MMP16: variants seen among roughly 807,000 people sequenced by gnomAD.
The protein encoded by MMP16 is matrix metallopeptidase 16.
Under a neutral mutation model 67.8 loss-of-function variants are expected in MMP16, and 12 were observed. The ratio of observed to expected loss-of-function variants is 0.18; its 90% CI spans 0.11 to 0.29. The LOEUF (loss-of-function observed/expected upper bound fraction) is 0.29. MMP16 is among the 10% of genes least tolerant of loss of function. The probability of loss-of-function intolerance (pLI) is 1.00; values close to 1 mark genes in which losing one functional copy is unlikely to be tolerated. For missense variants in MMP16, 475 were observed against 765.7 expected (o/e 0.62, Z 4.48); for synonymous variants, 249 against 255.9 (o/e 0.97, Z 0.26).
intron 1 of MMP16, among the ~76,000 whole-genome samples, chr8:88,286,300 A>G (rs1177808036): frequency 6.6e-6 from 1 of 152,068 alleles, no homozygotes; most frequent in Non-Finnish European, 1.5e-5. Context: ...TTCATAGTAT[A>G]CTTTTTCCTT....
At chr8:88,228,285 T>C (rs1249009354) in intron 1 of MMP16, among the ~76,000 whole-genome samples, 1 of 152,102 alleles carries the variant, frequency 6.6e-6, no homozygotes, top group African/African-American at 2.4e-5. Context: ...GAAAATAATA[T>C]GAGAATTGAA....
At chr8:88,042,495 C>T (rs1285916035) in intron 9 of MMP16, among the ~76,000 whole-genome samples, 2 of 152,122 alleles carry the variant, frequency 1.3e-5, no homozygotes. Context: ...TTTGTTCCTT[C>T]TCCTTTTGTC....
At chr8:88,186,343 T>C in intron 3 of MMP16, 133 bp downstream of exon 3, 1 of 1,192,294 alleles carries the variant, frequency 8.4e-7, no homozygotes, top group South Asian at 1.7e-5. Flanking sequence ...ATAGCAATTT[T>C]AAATCTCTTA....
intron 4 of MMP16, among the ~76,000 whole-genome samples, chr8:88,159,502 A>C (rs1808574984): frequency 6.6e-6 from 1 of 152,154 alleles, no homozygotes; most frequent in Non-Finnish European, 1.5e-5. Context: ...GTGATTTTTC[A>C]CATTGATTTT....
intron 4 of MMP16, among the ~76,000 whole-genome samples, chr8:88,157,191 A>C (rs1257082953): frequency 6.6e-6 from 1 of 152,096 alleles, no homozygotes; most frequent in African/African-American, 2.4e-5. Flanking sequence ...TGAACAAAAA[A>C]AATACACGGT....
chr8:88,104,754 A>C (rs1008942676), intron 6 of MMP16, among the ~76,000 whole-genome samples: 5 of 151,602 alleles, frequency 3.3e-5, no homozygotes, highest in Admixed American at 2.0e-4. Flanking sequence ...TATTCCACTG[A>C]AGGGGACAAG....
chr8:88,224,977 T>G (rs1809746709), intron 1 of MMP16, among the ~76,000 whole-genome samples: 1 of 151,974 alleles, frequency 6.6e-6, no homozygotes, highest in African/African-American at 2.4e-5. Flanking sequence ...TAGATTAACC[T>G]CTGATCTTTT....
chr8:88,153,033 C>G (rs1808435814), intron 4 of MMP16, among the ~76,000 whole-genome samples: 1 of 119,574 alleles, frequency 8.4e-6, no homozygotes, highest in African/African-American at 3.2e-5. Flanking sequence ...GATACAAAAT[C>G]AATGTACAAA....
rs1808045966 is a variant in MMP16 at position 88,035,728 on chromosome 8, T to C, written c.*5733A>G. 1 of 151,996 alleles carries C rather than the reference T, an allele frequency of 6.6e-6. No individual in the cohort carries two copies. Among genetic ancestry groups the C allele is most frequent in the Non-Finnish European group, 1.5e-5 (1 of 67,916 alleles). 9.4% of individuals were successfully genotyped at this position (151,996 alleles called of 1,614,324 possible). On this transcript the variant is annotated 3_prime_UTR_variant, in exon 10 of 10. Transcript: ENST00000286614. The surrounding 1 kb of genome is among the most constrained non-coding windows in gnomAD (Gnocchi z 4.7). The stretch of plus-strand genomic sequence containing the variant: ...TAAAAATTGAAGACTGCTATGTACT[T>C]CTGTATTCTACTCAAACATTGACAG...
At chr8:88,164,139 A>G (rs551782328) in intron 4 of MMP16, among the ~76,000 whole-genome samples, 1 of 152,164 alleles carries the variant, frequency 6.6e-6, no homozygotes, top group East Asian at 1.9e-4. Context: ...TCATTAGCTG[A>G]GCAATGTGCT....
chr8:88,116,492 A>AG lies in MMP16; in HGVS notation c.1083+14_1083+15insC. On this transcript the variant is annotated intron_variant, in intron 6 of 9. Transcript: ENST00000286614. ...TTGATCTACTGTTAAAAAAAAAAAAATCACAGTCTCCTACCTTGAAAACAA... is the reference window on the plus strand; with the variant it reads ...TTGATCTACTGTTAAAAAAAAAAAAAGTCACAGTCTCCTACCTTGAAAACAA... The AG allele has an allele frequency of 6.2e-7, 1 of 1,603,004 alleles. No individual in the cohort carries two copies. The highest frequency in any genetic ancestry group is 8.5e-7 in the Non-Finnish European group (1 of 1,173,244).
chr8:88,323,023 A>C (rs771899045), intron 1 of MMP16, among the ~76,000 whole-genome samples: 3 of 152,176 alleles, frequency 2.0e-5, no homozygotes, highest in Non-Finnish European at 4.4e-5. Flanking sequence ...GCGGTACATA[A>C]AAATCTTGAT....
intron 1 of MMP16, among the ~76,000 whole-genome samples, chr8:88,293,620 C>A (rs1411551326): frequency 6.6e-6 from 1 of 151,970 alleles, no homozygotes; most frequent in Non-Finnish European, 1.5e-5. Context: ...TAAACATATA[C>A]TATATATATT....
chr8:88,154,746 T>A lies in MMP16; in HGVS notation c.709+12923A>T, dbSNP rs529433909. ...GTGGGGGGAGCGGGGAGGGATAGCA[T>A]TGGGAGATATACCTAAGGCTAGATG... On this transcript the variant is annotated intron_variant, in intron 4 of 9. Coordinates refer to ENST00000286614, the MANE Select transcript of MMP16 (RefSeq NM_005941.5). Among the ~76,000 whole-genome samples the A allele has an allele frequency of 2.0e-5, 3 of 148,018 alleles. No homozygotes were observed. The East Asian group carries it at 6.0e-4, about 30-fold the overall frequency.
intron 1 of MMP16, among the ~76,000 whole-genome samples, chr8:88,270,196 T>G (rs761025590): frequency 6.6e-5 from 10 of 152,174 alleles, no homozygotes; most frequent in Non-Finnish European, 1.3e-4. Context: ...ACAGGATTAT[T>G]AAAATGCAGT....
intron 4 of MMP16, among the ~76,000 whole-genome samples, chr8:88,140,332 G>T (rs1289506115): frequency 6.6e-6 from 1 of 152,118 alleles, no homozygotes; most frequent in African/African-American, 2.4e-5. Flanking sequence ...GACAGAAAGG[G>T]TTAGCTCTAG....
At chr8:88,084,602 C>T (rs149040211) in intron 6 of MMP16, among the ~76,000 whole-genome samples, 12 of 152,070 alleles carry the variant, frequency 7.9e-5, no homozygotes, top group Non-Finnish European at 1.2e-4. Flanking sequence ...AACTTTGTTT[C>T]GCCAAACACT....
chr8:88,322,680 A>G (rs77938630), intron 1 of MMP16, among the ~76,000 whole-genome samples: 5 of 152,026 alleles, frequency 3.3e-5, no homozygotes, highest in African/African-American at 1.2e-4. Context: ...ATTAAAAAAA[A>G]AAAAAGAAAA....
At chr8:88,153,513 C>G (rs1808449206) in intron 4 of MMP16, among the ~76,000 whole-genome samples, 1 of 152,108 alleles carries the variant, frequency 6.6e-6, no homozygotes, top group Non-Finnish European at 1.5e-5. Context: ...GGTACCAAAA[C>G]AGAGATATAG....
Sources: allele counts gnomAD v4.1 joint callset (sites outside exome capture counted in the v4.1 genomes callset), GRCh38; gene constraint gnomAD v4.1.1; non-coding constraint Gnocchi (gnomAD v3.1); transcripts MANE v1.5; gene names NCBI Gene and HGNC (gene_info 2026-07-23, HGNC 2026-07-21).